Variants in CCDC148 observed in about 807,000 individuals in gnomAD.
CCDC148 encodes coiled-coil domain-containing protein 148.
Under a neutral mutation model 85.7 loss-of-function variants are expected in CCDC148, and 89 were observed. That is an observed-to-expected ratio of 1.04 (90% CI 0.87 to 1.24). CCDC148 has a LOEUF of 1.24. Ranked by LOEUF, CCDC148 falls within the 50% of genes most tolerant of loss-of-function variation. CCDC148 has a pLI of 0.00. For synonymous variants in CCDC148, 230 were observed against 213.9 expected (o/e 1.08, Z -0.66); for missense variants, 692 against 671.7 (o/e 1.03, Z -0.33).
chr2:158,227,634 G>A (rs1214233742), intron 10 of CCDC148, among the ~76,000 whole-genome samples: 2 of 152,134 alleles, frequency 1.3e-5, no homozygotes, highest in Admixed American at 1.3e-4. Flanking sequence ...ACAGAACAGA[G>A]CCCTCAGAAA....
chr2:158,307,211 A>G (rs1422843678), intron 9 of CCDC148, among the ~76,000 whole-genome samples: 1 of 152,156 alleles, frequency 6.6e-6, no homozygotes, highest in Non-Finnish European at 1.5e-5. Context: ...TATAAAGAAC[A>G]TACAAATAAG....
Position 158,407,641 on chromosome 2 carries a change from G to C in CCDC148, c.25+48774C>G, listed in dbSNP as rs569259240. Among the ~76,000 whole-genome samples, 161 of 152,218 alleles carry C rather than the reference G, an allele frequency of 1.1e-3. 1 individual carries two copies. Among genetic ancestry groups the C allele is most frequent in the African/African-American group, 3.7e-3 (152 of 41,548 alleles). On this transcript the variant is annotated intron_variant, in intron 1 of 13. Transcript: ENST00000283233. The stretch of plus-strand genomic sequence containing the variant: ...AGCATCCGGCAAGAAAAAAAGTTAA[G>C]GGCAAGGCTAAAATACTTAGTATAG...
intron 11 of CCDC148, among the ~76,000 whole-genome samples, chr2:158,184,430 GA>G (rs1685059322): frequency 1.3e-5 from 2 of 152,092 alleles, no homozygotes; most frequent in Non-Finnish European, 2.9e-5. Context: ...ATAGTGGGGG[GA>G]AATAAAACAG....
intron 1 of CCDC148, among the ~76,000 whole-genome samples, chr2:158,444,022 A>G (rs1262276105): frequency 6.6e-6 from 1 of 152,250 alleles, no homozygotes; most frequent in African/African-American, 2.4e-5. Context: ...TCAGGCTATC[A>G]CTTTCTCAAT....
chr2:158,195,112 A>C (rs1685606953), intron 11 of CCDC148, among the ~76,000 whole-genome samples: 1 of 151,986 alleles, frequency 6.6e-6, no homozygotes, highest in Non-Finnish European at 1.5e-5. Context: ...CCTACATTGG[A>C]GAAATTATCT....
At chr2:158,205,008 G>C (rs75943254) in intron 11 of CCDC148, among the ~76,000 whole-genome samples, 3,289 of 152,212 alleles carry the variant, frequency 0.022, 66 homozygotes, top group Non-Finnish European at 0.026. Flanking sequence ...CCAGCCATGG[G>C]CATCCCATGG....
intron 1 of CCDC148, among the ~76,000 whole-genome samples, chr2:158,415,091 A>G (rs1225430826): frequency 2.6e-5 from 4 of 152,064 alleles, no homozygotes; most frequent in African/African-American, 9.7e-5. Context: ...GAATTTGTCC[A>G]TTCTCACATT....
chr2:158,213,704 C>A (rs1686696110), intron 11 of CCDC148, among the ~76,000 whole-genome samples: 1 of 152,176 alleles, frequency 6.6e-6, no homozygotes, highest in African/African-American at 2.4e-5. Context: ...CATATCCTAG[C>A]TTTCTACTCC....
chr2:158,286,036 C>T (rs1481897749), intron 9 of CCDC148, among the ~76,000 whole-genome samples: 4 of 151,994 alleles, frequency 2.6e-5, no homozygotes, highest in Admixed American at 6.6e-5. Flanking sequence ...TATACATGGA[C>T]AACCTAACAT....
At position 158,178,904 on chromosome 2, in the gene CCDC148, C is replaced by A; in HGVS notation, c.1463G>T (p.Arg488Leu). ...QEAHEDKERARRLEALRKQVA... is the reference protein window; with the variant it reads ...QEAHEDKERALRLEALRKQVA... ...CTGTTTCCTAAGGGCTTCTAGCCGCCGTGCTCTCTCTTTGTCTTCATGAGC... is the reference window on the plus strand; with the variant it reads ...CTGTTTCCTAAGGGCTTCTAGCCGCAGTGCTCTCTCTTTGTCTTCATGAGC... The change falls in exon 12 of 14, where the codon CGG becomes CTG. Residue 488 changes from arginine to leucine, a missense_variant. Physicochemically the swap from Arg to Leu is moderately radical, Grantham distance 102. Coordinates refer to ENST00000283233, the MANE Select transcript of CCDC148 (RefSeq NM_138803.4). The A allele has an allele frequency of 6.2e-7, 1 of 1,613,430 alleles. No homozygotes were observed. The highest frequency in any genetic ancestry group is 1.1e-5 in the South Asian group (1 of 91,030).
At chr2:158,203,830 G>T (rs1407053440) in intron 11 of CCDC148, among the ~76,000 whole-genome samples, 4 of 152,202 alleles carry the variant, frequency 2.6e-5, no homozygotes, top group Non-Finnish European at 4.4e-5. Flanking sequence ...TAGTAGAGAA[G>T]TGGAAGAGAT....
At chr2:158,198,073 C>G (rs1341344359) in intron 11 of CCDC148, among the ~76,000 whole-genome samples, 1 of 152,164 alleles carries the variant, frequency 6.6e-6, no homozygotes, top group Non-Finnish European at 1.5e-5. Flanking sequence ...ACTCCAAACA[C>G]TTCAACTATA....
At chr2:158,302,769 T>C (rs1342838301) in intron 9 of CCDC148, among the ~76,000 whole-genome samples, 1 of 137,768 alleles carries the variant, frequency 7.3e-6, no homozygotes, top group Non-Finnish European at 1.6e-5. Flanking sequence ...GGTGACAGGG[T>C]GAGACTCCAT....
At chr2:158,294,054 T>TTCCTTCCC (rs1559049884) in intron 9 of CCDC148, among the ~76,000 whole-genome samples, 7 of 95,930 alleles carry the variant, frequency 7.3e-5, no homozygotes, top group African/African-American at 2.8e-4. Flanking sequence ...CCTTCCTTCC[T>TTCCTTCCC]TCCTTCCTTC....
At chr2:158,206,523 A>G (rs545572927) in intron 11 of CCDC148, among the ~76,000 whole-genome samples, 1 of 152,338 alleles carries the variant, frequency 6.6e-6, no homozygotes, top group Non-Finnish European at 1.5e-5. Flanking sequence ...AAGGGGATGG[A>G]GGAGGGAAAT....
intron 1 of CCDC148, among the ~76,000 whole-genome samples, chr2:158,404,463 G>T (rs2356094): frequency 0.39 from 59,887 of 151,954 alleles, 12,434 homozygotes; most frequent in East Asian, 0.6. Flanking sequence ...ATTAGTTGGT[G>T]ATATGATCAC....
intron 10 of CCDC148, among the ~76,000 whole-genome samples, chr2:158,228,453 G>A (rs924399185): frequency 1.3e-5 from 2 of 152,114 alleles, no homozygotes; most frequent in African/African-American, 4.8e-5. Context: ...CAATCCCATT[G>A]CTGGGTATAC....
At chr2:158,400,163 C>T (rs1685712326) in intron 1 of CCDC148, among the ~76,000 whole-genome samples, 1 of 152,146 alleles carries the variant, frequency 6.6e-6, no homozygotes, top group Non-Finnish European at 1.5e-5. Flanking sequence ...AATGCCATCC[C>T]CATCAAGCTA....
intron 11 of CCDC148, among the ~76,000 whole-genome samples, chr2:158,218,986 T>C (rs1285988915): frequency 2.6e-5 from 4 of 152,144 alleles, no homozygotes; most frequent in Non-Finnish European, 4.4e-5. Context: ...ACAACCTCAG[T>C]GATTAGAGTT....
Sources: allele counts gnomAD v4.1 joint callset (sites outside exome capture counted in the v4.1 genomes callset), GRCh38; gene constraint gnomAD v4.1.1; transcripts MANE v1.5; gene names NCBI Gene and HGNC (gene_info 2026-07-23, HGNC 2026-07-21).